The following RHCE variants were observed in gnomAD, a reference collection of about 807,000 sequenced individuals.
RHCE encodes Rh blood group CcEe antigens.
A neutral mutation model predicts 43.8 loss-of-function variants in RHCE; 22 were observed. That is an observed-to-expected ratio of 0.50 (90% confidence interval 0.36 to 0.72). The LOEUF is 0.72. Among genes scored for constraint, RHCE ranks in the 30% least tolerant of loss-of-function variants. The pLI is 0.00. For synonymous variants in RHCE, 156 were observed against 210.7 expected, an observed-to-expected ratio of 0.74 and a Z score of 2.25; for missense variants, 385 against 525.4, an observed-to-expected ratio of 0.73 and a Z score of 2.61.
At chr1:25,393,652 C>A (rs1308666429) in intron 3 of RHCE, among the ~76,000 whole-genome samples, 4 of 151,814 alleles carry the variant, frequency 2.6e-5, no homozygotes, top group Non-Finnish European at 5.9e-5. Flanking sequence ...CAAGTCAGAT[C>A]ATGTTACTCC....
At chr1:25,387,376 T>C (rs1013151091) in intron 6 of RHCE, among the ~76,000 whole-genome samples, 1 of 152,226 alleles carries the variant, frequency 6.6e-6, no homozygotes, top group East Asian at 1.9e-4. Context: ...CACTGTATTC[T>C]GTGTATCCAT....
rs1280715223 is a variant in RHCE at position 25,406,613 on chromosome 1, T to C, written c.335+2070A>G. 1.9e-5 allele frequency among the ~76,000 whole-genome samples: 2 copies of C among 103,164 alleles called. 1 individual carries two copies. Among genetic ancestry groups the C allele is most frequent in the African/African-American group, 6.1e-5 (2 of 32,662 alleles). The allele number at this position is 103,164 out of a possible 152,430, so 67.7% of individuals were successfully genotyped here. On this transcript the variant is annotated intron_variant, in intron 2 of 9. Transcript: ENST00000294413. ...CAGGCATGAACCACCGCGCCTGGCC[T>C]AAAACTGTTGTTTTTGGTTTTTTTT...
chr1:25,424,935 G>A (rs1347691180), upstream of RHCE, among the ~76,000 whole-genome samples: 1 of 151,874 alleles, frequency 6.6e-6, no homozygotes, highest in Non-Finnish European at 1.5e-5. Flanking sequence ...TCCTTCCTCA[G>A]CCTCCCAAGT....
chr1:25,420,886 G>A (rs1464068730), upstream of RHCE: 43 of 1,551,128 alleles, frequency 2.8e-5, no homozygotes, highest in Admixed American at 3.9e-5. Context: ...GGAGACACCC[G>A]CCAAAGGCCT....
At chr1:25,411,659 A>G (rs1647083214) in intron 1 of RHCE, among the ~76,000 whole-genome samples, 1 of 152,122 alleles carries the variant, frequency 6.6e-6, no homozygotes, top group Non-Finnish European at 1.5e-5. Flanking sequence ...GGTGCAGGGA[A>G]TGTTTCTATC....
chr1:25,386,842 AACACACACACACACACAC>A (rs3079633), intron 6 of RHCE, among the ~76,000 whole-genome samples: 1 of 138,794 alleles, frequency 7.2e-6, no homozygotes, highest in African/African-American at 2.8e-5. Flanking sequence ...ACAACAACAA[AACACACACACACACACAC>A]ACACACACAC....
intron 1 of RHCE, among the ~76,000 whole-genome samples, chr1:25,411,117 A>T (rs1327682771): frequency 2.0e-5 from 3 of 150,396 alleles, no homozygotes; most frequent in Non-Finnish European, 2.9e-5. Flanking sequence ...ATAAATAAAT[A>T]AAATAAAATA....
chr1:25,399,364 G>T (rs953087891), intron 3 of RHCE, among the ~76,000 whole-genome samples: 2 of 152,094 alleles, frequency 1.3e-5, no homozygotes, highest in African/African-American at 4.8e-5. Flanking sequence ...TTGAGGAAAA[G>T]GTTTGAGAGG....
intron 4 of RHCE, among the ~76,000 whole-genome samples, chr1:25,391,457 G>A (rs567688298): frequency 1.7e-3 from 257 of 151,792 alleles, no homozygotes; most frequent in Middle Eastern, 3.2e-3. Context: ...AAAGTGCTGG[G>A]ATTACAGGCT....
chr1:25,423,561 C>T (rs1184700450), upstream of RHCE, among the ~76,000 whole-genome samples: 8 of 152,194 alleles, frequency 5.3e-5, no homozygotes, highest in Non-Finnish European at 1.2e-4. Context: ...AACAGAAATG[C>T]TTTCATTAAA....
chr1:25,388,173 G>A (rs1008710459), intron 6 of RHCE, among the ~76,000 whole-genome samples: 40 of 143,216 alleles, frequency 2.8e-4, no homozygotes, highest in Non-Finnish European at 5.6e-4. Context: ...TCCAGCCTTC[G>A]AAAATCTACT....
chr1:25,426,067 T>C (rs2042803220), intron 2 of RHCE, among the ~76,000 whole-genome samples: 1 of 152,232 alleles, frequency 6.6e-6, no homozygotes, highest in African/African-American at 2.4e-5. Flanking sequence ...AGTGTCAATC[T>C]CACTGGGTTG....
chr1:25,409,978 C>T (rs960563495), intron 1 of RHCE, among the ~76,000 whole-genome samples: 1 of 152,028 alleles, frequency 6.6e-6, no homozygotes, highest in African/African-American at 2.4e-5. Flanking sequence ...CTCACTGCAA[C>T]CTCTGCCTCC....
At chr1:25,420,142 A>G (rs962097691) in intron 1 of RHCE, among the ~76,000 whole-genome samples, 90 of 152,180 alleles carry the variant, frequency 5.9e-4, no homozygotes, top group African/African-American at 2.1e-3. Flanking sequence ...TGATCATGCC[A>G]CTGCACTTCA....
In RHCE at chr1:25,408,689, A is replaced by G. The variant is rs368424577; in HGVS notation, c.329T>C (p.Leu110Pro). Residue 110 changes from leucine (L) to proline (P), a missense_variant, in exon 2 of 10, where the codon CTG becomes CCG. Coordinates refer to ENST00000294413, the MANE Select transcript of RHCE (RefSeq NM_020485.8). Reference sequence around the variant, plus strand: ...CCAGCCACCATCCCAATACCTGAACAGTGTGATGACCACCTTCCCAGGAGG... The same window carrying G: ...CCAGCCACCATCCCAATACCTGAACGGTGTGATGACCACCTTCCCAGGAGG... The part of the protein sequence containing the change: ...QFPPGKVVIT[L>P]FSIRLATMSA... 2.3e-6 allele frequency: 3 copies of G among 1,282,356 alleles called. 1 individual carries two copies. Among genetic ancestry groups the G allele is most frequent in the Non-Finnish European group, 3.1e-6 (3 of 962,452 alleles). 79.4% of individuals were successfully genotyped at this position (1,282,356 alleles called of 1,614,324 possible).
chr1:25,397,434 T>A (rs1318965103), intron 3 of RHCE, among the ~76,000 whole-genome samples: 2 of 151,720 alleles, frequency 1.3e-5, no homozygotes, highest in Non-Finnish European at 2.9e-5. Flanking sequence ...AAGGCAGAGG[T>A]TGCAGTGAGC....
At chr1:25,419,038 G>C (rs2042685265) in intron 1 of RHCE, among the ~76,000 whole-genome samples, 1 of 152,116 alleles carries the variant, frequency 6.6e-6, no homozygotes, top group Non-Finnish European at 1.5e-5. Flanking sequence ...CTAAATCCAG[G>C]GTGGCTAAAT....
At chr1:25,413,116 G>A (rs535171029) in intron 1 of RHCE, among the ~76,000 whole-genome samples, 1 of 152,118 alleles carries the variant, frequency 6.6e-6, no homozygotes, top group Non-Finnish European at 1.5e-5. Context: ...CTGATTCCAG[G>A]TATATGCGCT....
chr1:25,414,578 C>T (rs898000603), intron 1 of RHCE, among the ~76,000 whole-genome samples: 6 of 152,152 alleles, frequency 3.9e-5, no homozygotes, highest in Admixed American at 3.9e-4. Context: ...GGAGTGTTTA[C>T]ATGTCACTGG....
Sources: gnomAD v4.1 joint callset for allele counts (sites outside exome capture counted in the v4.1 genomes callset) on GRCh38, gnomAD v4.1.1 for gene constraint, MANE v1.5 for transcripts, NCBI Gene and HGNC (gene_info 2026-07-23, HGNC 2026-07-21) for gene names.